Variants in COL11A2 observed in about 807,000 individuals in gnomAD.
The protein encoded by COL11A2 is collagen type XI alpha 2 chain.
A neutral mutation model predicts 273.4 loss-of-function variants in COL11A2; 116 were observed. The ratio of observed to expected loss-of-function variants is 0.42; its 90% CI spans 0.36 to 0.49. COL11A2 has a LOEUF of 0.49. Ranked by LOEUF, COL11A2 falls within the 20% of genes least tolerant of loss-of-function variation. COL11A2 has a pLI of 0.00. For missense variants in COL11A2, 1,866 were observed against 2,309.0 expected (o/e 0.81, Z 3.93); for synonymous variants, 782 against 864.2 (o/e 0.90, Z 1.67).
In COL11A2 at chr6:33,167,291, T is replaced by C. The variant is rs746019545; in HGVS notation, c.4149A>G (p.Thr1383=). Reference sequence around the variant, plus strand: ...CAGGACCTGGGGGCCCAGCCTGGCCTGTAGCTCCAGGTCGGCCTTGCTGAC... The same window carrying C: ...CAGGACCTGGGGGCCCAGCCTGGCCCGTAGCTCCAGGTCGGCCTTGCTGAC... ...SVGQQGRPGA[T]GQAGPPGPVG... is the part of the protein sequence containing the mutation. The change falls in exon 57 of 66, where the codon ACA becomes ACG. Residue 1383 remains threonine, a synonymous_variant. Coordinates refer to ENST00000341947, the MANE Select transcript of COL11A2 (RefSeq NM_080680.3). The surrounding 1 kb of genome is among the most constrained non-coding windows in gnomAD (Gnocchi z 6.1). The C allele has an allele frequency of 8.5e-5, 137 of 1,613,946 alleles. No homozygotes were observed. The highest frequency in any genetic ancestry group is 1.0e-4 in the Non-Finnish European group (119 of 1,180,010).
At chr6:33,174,603 T>C (rs754012246) in intron 30 of COL11A2, 23 bp from the exon 31 acceptor site, 16 of 1,610,588 alleles carry the variant, frequency 9.9e-6, no homozygotes, top group East Asian at 2.2e-5. Context: ...AGGAAGCAGT[T>C]AGGAGTGAGA....
Position 33,178,083 on chromosome 6 carries a change from G to A in COL11A2, c.1872+49C>T. On this transcript the variant is annotated intron_variant, in intron 21 of 65. Transcript: ENST00000341947. This position sits in a 1 kb window ranked among gnomAD's most constrained non-coding sequence, Gnocchi z 4.6. ...AAGGCAGCTAGAAAGGTGGAGAGTT[G>A]GAGAGGTCAAGGGGTCACCTCAGGG... The A allele has an allele frequency of 1.9e-6, 3 of 1,559,784 alleles. No individual in the cohort carries two copies. Among genetic ancestry groups the A allele is most frequent in the Non-Finnish European group, 2.6e-6 (3 of 1,140,130 alleles).
intron 29 of COL11A2, 120 bp downstream of exon 29, chr6:33,175,896 G>A: frequency 7.6e-7 from 1 of 1,323,614 alleles, no homozygotes; most frequent in East Asian, 2.3e-5. Flanking sequence ...GGCTCCCAAG[G>A]GAACACAGCA....
chr6:33,186,899 C>T (rs1772492209), intron 4 of COL11A2, 81 bp from the exon 5 acceptor site: 1 of 1,584,528 alleles, frequency 6.3e-7, no homozygotes, highest in Non-Finnish European at 8.6e-7. Context: ...GTATAGGAGG[C>T]CAATCCTAGG....
rs1768626673 is a variant in COL11A2 at position 33,163,458 on chromosome 6, C to G, written c.*220G>C. On this transcript the variant is annotated 3_prime_UTR_variant, in exon 66 of 66. Transcript: ENST00000341947. This position sits in a 1 kb window ranked among gnomAD's most constrained non-coding sequence, Gnocchi z 4.1. ...TCAGCTCTCTAACGGGTAACAGGCT[C>G]CAGGTGGGAGGGCCAAGAGCCCCAG... 1.6e-6 allele frequency: 1 copy of G among 626,574 alleles called. No individual in the cohort carries two copies. The highest frequency in any genetic ancestry group is 2.8e-6 in the Non-Finnish European group (1 of 351,554). 38.8% of individuals were successfully genotyped at this position (626,574 alleles called of 1,614,324 possible).
In COL11A2 at chr6:33,177,240, A is replaced by G. The variant is rs1485542294; in HGVS notation, c.1972-15T>C. ...CCGGGAAGACCCTACATACAGGGAA[A>G]GAGAAGTCACAGGGGCCTCCCAGGG... On this transcript the variant is annotated splice_polypyrimidine_tract_variant and intron_variant, in intron 23 of 65. Transcript: ENST00000341947. This position sits in a 1 kb window ranked among gnomAD's most constrained non-coding sequence, Gnocchi z 5.9. The G allele has an allele frequency of 3.1e-6, 5 of 1,613,026 alleles. 1 individual carries two copies. The East Asian group carries it at 1.1e-4, about 36-fold the overall frequency.
Position 33,179,208 on chromosome 6 carries a change from G to T in COL11A2, c.1557+23C>A. 1 of 1,612,038 alleles carries T rather than the reference G, an allele frequency of 6.2e-7. No individual in the cohort carries two copies. The highest frequency in any genetic ancestry group is 8.5e-7 in the Non-Finnish European group (1 of 1,179,346). On this transcript the variant is annotated intron_variant, in intron 15 of 65. Transcript: ENST00000341947. The surrounding 1 kb of genome is among the most constrained non-coding windows in gnomAD (Gnocchi z 6.4). ...ACTGAGCTGGTGAACAGATATGGGG[G>T]TGCAGTGGAGGAAAGTGGTCACCTG... is the stretch of plus-strand genomic sequence containing the variant.
In COL11A2 at chr6:33,169,672, G is replaced by C. The variant is rs1769751381; in HGVS notation, c.3690+159C>G. Among the ~76,000 whole-genome samples the C allele has an allele frequency of 6.6e-6, 1 of 152,166 alleles. No individual in the cohort carries two copies. On this transcript the variant is annotated intron_variant, in intron 50 of 65. Transcript: ENST00000341947. The surrounding 1 kb of genome is among the most constrained non-coding windows in gnomAD (Gnocchi z 5.5). The stretch of plus-strand genomic sequence containing the variant: ...CTTCCCTTCAAGAAAGGGGAAGAAG[G>C]GCTCACTCAGACCAGGGATCAGGCC...
chr6:33,171,392 G>C lies in COL11A2; in HGVS notation c.3259-68C>G, dbSNP rs373993079. On this transcript the variant is annotated intron_variant, in intron 43 of 65. Transcript: ENST00000341947. Reference sequence around the variant, plus strand: ...GTAGAGTGGGAAGGATGACATGACAGGGGCCAGGGGTCATGCCCAGGTCAG... The same window carrying C: ...GTAGAGTGGGAAGGATGACATGACACGGGCCAGGGGTCATGCCCAGGTCAG... 1.5e-4 allele frequency: 248 copies of C among 1,608,458 alleles called. 1 individual carries two copies. In the African/African-American group the frequency reaches 3.0e-3, roughly 20 times the overall value.
In COL11A2 at chr6:33,170,502, G is replaced by A; in HGVS notation, c.3528+55C>T. 1 of 1,493,118 alleles carries A rather than the reference G, an allele frequency of 6.7e-7. No homozygotes were observed. Among genetic ancestry groups the A allele is most frequent in the Non-Finnish European group, 9.1e-7 (1 of 1,100,498 alleles). 92.5% of individuals were successfully genotyped at this position (1,493,118 alleles called of 1,614,324 possible). A position where few individuals can be genotyped will look rare whatever the true frequency, so the allele number is the denominator to read the frequency against. ...GCAGTGGGGTGTGGGGTGGGGGCTG[G>A]CCAGGGAGGGGGGTGACTAGTATGG... On this transcript the variant is annotated intron_variant, in intron 47 of 65. Coordinates refer to ENST00000341947, the MANE Select transcript of COL11A2 (RefSeq NM_080680.3). This position sits in a 1 kb window ranked among gnomAD's most constrained non-coding sequence, Gnocchi z 4.3.
Position 33,169,867 on chromosome 6 carries a change from T to C in COL11A2, c.3654A>G (p.Ser1218=), listed in dbSNP as rs146962984. 250 of 1,614,162 alleles carry C rather than the reference T, an allele frequency of 1.5e-4. No homozygotes were observed. In the Middle Eastern group the frequency reaches 2.8e-3, roughly 18 times the overall value. The part of the protein sequence containing the change: ...PPGEKGEPGE[S]GSPGIQGEPG... ...GCTCGCCCTGGATCCCTGGAGATCCTGACTCTCCTGGTTCCCCCTGCAAAG... is the reference window on the plus strand; with the variant it reads ...GCTCGCCCTGGATCCCTGGAGATCCCGACTCTCCTGGTTCCCCCTGCAAAG... The change falls in exon 50 of 66, where the codon TCA becomes TCG. Residue 1218 remains serine (S), a synonymous_variant. Transcript: ENST00000341947. This position sits in a 1 kb window ranked among gnomAD's most constrained non-coding sequence, Gnocchi z 5.5.
At chr6:33,185,492 C>T (rs1446583753) in intron 6 of COL11A2, among the ~76,000 whole-genome samples, 1 of 152,000 alleles carries the variant, frequency 6.6e-6, no homozygotes, top group East Asian at 1.9e-4. Context: ...GGTCCGATGC[C>T]CCCTAGGGGA....
rs1562324356 is a variant in COL11A2 at position 33,170,079 on chromosome 6, C to T, written c.3604G>A (p.Gly1202Ser). 22 of 1,613,078 alleles carry T rather than the reference C, an allele frequency of 1.4e-5. No homozygotes were observed. Among genetic ancestry groups the T allele is most frequent in the Non-Finnish European group, 1.4e-5 (16 of 1,180,020 alleles). ...GADGPQGPPG[G>S]VGNLGPPGEK... ...CCAGGGGGACCCAGGTTCCCAACAC[C>T]TCCTGGGGGACCTTGTGGGCCCTGG... is the stretch of plus-strand genomic sequence containing the variant. Residue 1202 changes from glycine (G) to serine (S), a missense_variant, in exon 49 of 66, where the codon GGT becomes AGT. Transcript: ENST00000341947. This position sits in a 1 kb window ranked among gnomAD's most constrained non-coding sequence, Gnocchi z 4.3.
Position 33,176,426 on chromosome 6 carries a change from C to A in COL11A2, c.2169+7G>T. 2 of 1,612,340 alleles carry A rather than the reference C, an allele frequency of 1.2e-6. No homozygotes were observed. The highest frequency in any genetic ancestry group is 1.1e-5 in the South Asian group (1 of 90,848). On this transcript the variant is annotated splice_region_variant and intron_variant, in intron 27 of 65. Coordinates refer to ENST00000341947, the MANE Select transcript of COL11A2 (RefSeq NM_080680.3). This position sits in a 1 kb window ranked among gnomAD's most constrained non-coding sequence, Gnocchi z 4.9. ...GCCCTTTGTCTCCCAGCCTGGTGGT[C>A]AGTTACCTTGACCCCTCGAGGTCCT...
In COL11A2 at chr6:33,173,942, G is replaced by A. The variant is rs1254516281; in HGVS notation, c.2530-16C>T. 1.2e-6 allele frequency: 2 copies of A among 1,613,994 alleles called. No individual in the cohort carries two copies. The highest frequency in any genetic ancestry group is 1.7e-5 in the Admixed American group (1 of 60,010). On this transcript the variant is annotated splice_polypyrimidine_tract_variant and intron_variant, in intron 33 of 65. Transcript: ENST00000341947. The surrounding 1 kb of genome is among the most constrained non-coding windows in gnomAD (Gnocchi z 6.3). ...CCCGTGGACCCTACAGAGGGAAGAG[G>A]AGTTGTCAGAGAAACCCAAATGCCC...
intron 4 of COL11A2, 36 bp from the exon 5 acceptor site, chr6:33,186,854 C>G: frequency 1.9e-6 from 3 of 1,612,238 alleles, no homozygotes; most frequent in Non-Finnish European, 1.7e-6. Flanking sequence ...CGGAGAGATT[C>G]AGAGAGAGGC....
At chr6:33,185,288 C>T (rs1297067716) in intron 6 of COL11A2, among the ~76,000 whole-genome samples, 4 of 152,160 alleles carry the variant, frequency 2.6e-5, no homozygotes, top group Admixed American at 1.3e-4. Context: ...CTCTACCTGC[C>T]GGTAACTGCT....
At chr6:33,186,539 G>T (rs1340557795) in intron 5 of COL11A2, 88 bp downstream of exon 5, 3 of 1,608,796 alleles carry the variant, frequency 1.9e-6, no homozygotes, top group Middle Eastern at 1.7e-4. Context: ...GGAGATGAGG[G>T]TGGGGAGGAC....
Position 33,165,624 on chromosome 6 carries a change from G to C in COL11A2, c.4675C>G (p.Arg1559Gly), listed in dbSNP as rs370966667. The C allele has an allele frequency of 4.3e-6, 7 of 1,613,154 alleles. No individual in the cohort carries two copies. Among genetic ancestry groups the C allele is most frequent in the Non-Finnish European group, 5.9e-6 (7 of 1,180,010 alleles). Residue 1559 changes from arginine to glycine, a missense_variant, in exon 63 of 66, where the codon CGG (arginine) becomes GGG (glycine). Coordinates refer to ENST00000341947, the MANE Select transcript of COL11A2 (RefSeq NM_080680.3). The surrounding 1 kb of genome is among the most constrained non-coding windows in gnomAD (Gnocchi z 7.7). ...SLREEIEQMR[R>G]PTGTQDSPAR... The stretch of plus-strand genomic sequence containing the variant: ...GGGCTGTCCTGGGTCCCTGTTGGCC[G>C]CCTCATCTGCTCGATCTCCTCCCGC...
Sources: gnomAD v4.1 joint callset for allele counts (sites outside exome capture counted in the v4.1 genomes callset) on GRCh38, gnomAD v4.1.1 for gene constraint, Gnocchi (gnomAD v3.1) non-coding constraint, MANE v1.5 for transcripts, NCBI Gene and HGNC (gene_info 2026-07-23, HGNC 2026-07-21) for gene names.